The following ATXN2 variants were observed in gnomAD, a reference collection of about 807,000 sequenced individuals.
The protein encoded by ATXN2 is ataxin 2, also known as ataxin-2.
ATXN2 carries 37 observed loss-of-function variants against 138.6 expected under a neutral mutation model. The observed-to-expected ratio is 0.27, with a 90% CI of 0.21 to 0.35. The LOEUF is 0.35. Ranked by LOEUF, ATXN2 falls within the 10% of genes least tolerant of loss-of-function variation. ATXN2 has a pLI of 1.00. For missense variants in ATXN2, 1,216 were observed against 1,480.3 expected, an observed-to-expected ratio of 0.82 and a Z score of 2.93; for synonymous variants, 549 against 543.7, an observed-to-expected ratio of 1.01 and a Z score of -0.13.
intron 7 of ATXN2, among the ~76,000 whole-genome samples, 154 bp from the exon 8 acceptor site, chr12:111,520,230 G>T (rs1880081036): frequency 6.6e-6 from 1 of 152,168 alleles, no homozygotes; most frequent in African/African-American, 2.4e-5. Flanking sequence ...AGTGATCTGT[G>T]TATTTATAAA....
intron 1 of ATXN2, among the ~76,000 whole-genome samples, chr12:111,564,578 T>C (rs1312986714): frequency 6.7e-6 from 1 of 149,872 alleles, no homozygotes. Context: ...AGTTTGCCCA[T>C]CCTCACACTG....
chr12:111,591,879 C>T (rs1330943577), intron 1 of ATXN2, among the ~76,000 whole-genome samples: 8 of 151,454 alleles, frequency 5.3e-5, no homozygotes, highest in African/African-American at 1.7e-4. Context: ...GTCAGGAGTT[C>T]GAGATGAGCC....
intron 1 of ATXN2, among the ~76,000 whole-genome samples, chr12:111,572,653 A>C (rs1883394402): frequency 6.6e-6 from 1 of 152,216 alleles, no homozygotes; most frequent in Admixed American, 6.5e-5. Flanking sequence ...GTTTGGCCCA[A>C]ATAAATAACA....
At chr12:111,544,506 CA>C (rs1196882290) in intron 5 of ATXN2, among the ~76,000 whole-genome samples, 1 of 152,112 alleles carries the variant, frequency 6.6e-6, no homozygotes, top group Non-Finnish European at 1.5e-5. Context: ...CAAACTGTAA[CA>C]GGGGAGACAA....
intron 20 of ATXN2, 169 bp downstream of exon 20, chr12:111,469,939 C>T: frequency 4.0e-6 from 3 of 741,674 alleles, no homozygotes; most frequent in Admixed American, 6.4e-5. Context: ...AAACTATTTG[C>T]CAAAAGTTAT....
intron 14 of ATXN2, among the ~76,000 whole-genome samples, chr12:111,494,449 G>A (rs1045469297): frequency 1.1e-4 from 15 of 140,668 alleles, no homozygotes; most frequent in Admixed American, 2.2e-4. Context: ...TTTTTGAGAC[G>A]GAGTCTCACT....
chr12:111,486,254 C>T (rs1233987660), intron 16 of ATXN2, among the ~76,000 whole-genome samples: 1 of 152,142 alleles, frequency 6.6e-6, no homozygotes, highest in Non-Finnish European at 1.5e-5. Flanking sequence ...TGCTCAAGTC[C>T]CTTACATAAA....
intron 21 of ATXN2, among the ~76,000 whole-genome samples, chr12:111,459,347 T>G (rs1875381239): frequency 6.6e-6 from 1 of 152,234 alleles, no homozygotes; most frequent in Non-Finnish European, 1.5e-5. Flanking sequence ...CTCCTCCAAG[T>G]TGTATAGGCA....
chr12:111,552,839 T>C lies in ATXN2; in HGVS notation c.420+67A>G, dbSNP rs1378166583. On this transcript the variant is annotated intron_variant, in intron 4 of 24. Transcript: ENST00000673436. This position sits in a 1 kb window ranked among gnomAD's most constrained non-coding sequence, Gnocchi z 4.1. ...AATCATTCAAAGTGGCTTTAAAAAC[T>C]AGGTAAAACACTGACTATGAAAATG... 1.1e-5 allele frequency: 12 copies of C among 1,082,216 alleles called. No individual in the cohort carries two copies. In the East Asian group the frequency reaches 3.2e-4, roughly 28 times the overall value. The allele number at this position is 1,082,216 out of a possible 1,614,324, so 67.0% of individuals were successfully genotyped here. A position where few individuals can be genotyped will look rare whatever the true frequency, so the allele number is the denominator to read the frequency against.
At chr12:111,456,786 T>C (rs773012384) in intron 22 of ATXN2, among the ~76,000 whole-genome samples, 2 of 152,312 alleles carry the variant, frequency 1.3e-5, no homozygotes, top group Admixed American at 1.3e-4. Context: ...GTCTCGCTGT[T>C]GTCCAAGCTG....
intron 18 of ATXN2, among the ~76,000 whole-genome samples, chr12:111,483,194 TACACACACACACAC>T (rs59840296): frequency 6.7e-4 from 64 of 95,432 alleles, no homozygotes; most frequent in South Asian, 6.3e-3. Context: ...ATCAAACACA[TACACACACACACAC>T]ACACACACAC....
At chr12:111,497,801 G>A (rs1191761991) in intron 14 of ATXN2, among the ~76,000 whole-genome samples, 1 of 152,066 alleles carries the variant, frequency 6.6e-6, no homozygotes. Context: ...CAGATCATGA[G>A]GTCAGGAGTT....
intron 1 of ATXN2, chr12:111,581,236 C>A (rs1195531284): frequency 1.8e-5 from 6 of 326,816 alleles, no homozygotes; most frequent in Non-Finnish European, 2.3e-5. Context: ...AAATAACCCT[C>A]TTGGTCTCAA....
chr12:111,535,487 T>C (rs969549977), intron 5 of ATXN2, among the ~76,000 whole-genome samples: 3 of 151,520 alleles, frequency 2.0e-5, no homozygotes, highest in African/African-American at 7.3e-5. Flanking sequence ...CAGGGCATGG[T>C]GGCGCGCGCC....
Position 111,453,767 on chromosome 12 carries a change from C to G in ATXN2, c.3349G>C (p.Gly1117Arg). ...TGAGCGAGGGCGGCCTGGGGACCGC[C>G]GGGTGGCTGTGTCGTCATTAGCATC... ...PMMLMTTQPPGGPQAALAQSA... is the reference protein window; with the variant it reads ...PMMLMTTQPPRGPQAALAQSA... The change falls in exon 24 of 25, where the codon GGC becomes CGC. Residue 1117 changes from glycine to arginine, a missense_variant. Physicochemically the swap from Gly to Arg is moderately radical, Grantham distance 125 (BLOSUM62 -2). This residue lies in a region of ATXN2 where 490 missense variants were observed against 653.5 expected (regional missense o/e 0.75). Transcript: ENST00000673436. This position sits in a 1 kb window ranked among gnomAD's most constrained non-coding sequence, Gnocchi z 5.4. 6.2e-7 allele frequency: 1 copy of G among 1,614,046 alleles called. No homozygotes were observed.
intron 21 of ATXN2, among the ~76,000 whole-genome samples, chr12:111,458,835 A>C (rs974481212): frequency 4.6e-5 from 7 of 152,164 alleles, no homozygotes; most frequent in Non-Finnish European, 7.3e-5. Context: ...TTCCACGTAA[A>C]TGGTGTGCAG....
chr12:111,560,822 C>T (rs554575729), intron 1 of ATXN2, among the ~76,000 whole-genome samples: 6 of 151,370 alleles, frequency 4.0e-5, no homozygotes, highest in Admixed American at 6.6e-5. Flanking sequence ...AAGAAGTAGG[C>T]AATAGAAATT....
At chr12:111,529,476 C>T (rs553770579) in intron 5 of ATXN2, among the ~76,000 whole-genome samples, 25 of 152,198 alleles carry the variant, frequency 1.6e-4, no homozygotes, top group Non-Finnish European at 3.2e-4. Context: ...TCTAGACTAG[C>T]AGGCGATGTT....
Position 111,456,999 on chromosome 12 carries a change from C to T in ATXN2, c.3042+215G>A, listed in dbSNP as rs1045299259. Among the ~76,000 whole-genome samples, 9 of 152,274 alleles carry T rather than the reference C, an allele frequency of 5.9e-5. 1 individual carries two copies. The South Asian group carries it at 1.9e-3, about 32-fold the overall frequency. On this transcript the variant is annotated intron_variant, in intron 22 of 24. Transcript: ENST00000673436. ...TCCTGACCTCGTGATCCACCCGCCT[C>T]GGCCTCCCAAAGTGGTGGGATTACA...
Sources: allele counts gnomAD v4.1 joint callset (sites outside exome capture counted in the v4.1 genomes callset), GRCh38; gene constraint gnomAD v4.1.1; regional missense constraint gnomAD v4.1.1; non-coding constraint Gnocchi (gnomAD v3.1); transcripts MANE v1.5; gene names NCBI Gene and HGNC (gene_info 2026-07-23, HGNC 2026-07-21).